The following CTNNA3 variants were observed in gnomAD, a reference collection of about 807,000 sequenced individuals.
CTNNA3 encodes the protein catenin alpha 3, also known as catenin alpha-3.
Under a neutral mutation model 95.7 loss-of-function variants are expected in CTNNA3, and 76 were observed. The ratio of observed to expected loss-of-function variants is 0.79; its 90% CI spans 0.66 to 0.96. The LOEUF (loss-of-function observed/expected upper bound fraction) is 0.96. CTNNA3 is among the 40% of genes least tolerant of loss of function. The pLI, the probability that CTNNA3 is intolerant of heterozygous loss-of-function variation, is 0.00. For synonymous variants in CTNNA3, 431 were observed against 374.4 expected, an observed-to-expected ratio of 1.15 and a Z score of -1.74; for missense variants, 1,191 against 1,089.8, an observed-to-expected ratio of 1.09 and a Z score of -1.31.
intron 11 of CTNNA3, among the ~76,000 whole-genome samples, chr10:66,428,163 T>C (rs1216408859): frequency 6.6e-6 from 1 of 152,130 alleles, no homozygotes; most frequent in Non-Finnish European, 1.5e-5. Context: ...AGAAGGCCAT[T>C]ACATAATGGT....
In CTNNA3 at chr10:67,639,664, T is replaced by C. The variant is rs573761536; in HGVS notation, c.99+7751A>G. 2.9e-3 allele frequency among the ~76,000 whole-genome samples: 437 copies of C among 152,116 alleles called. 3 individuals carry two copies. Among genetic ancestry groups the C allele is most frequent in the Middle Eastern group, 0.01 (3 of 294 alleles). The stretch of plus-strand genomic sequence containing the variant: ...ATCAAAAACCTTATCCACCATGATC[T>C]AGTGGGCTTCATCCCTGGGATGCAA... On this transcript the variant is annotated intron_variant, in intron 2 of 17. Transcript: ENST00000433211.
intron 5 of CTNNA3, among the ~76,000 whole-genome samples, chr10:67,264,012 T>A (rs1235456341): frequency 6.6e-6 from 1 of 151,792 alleles, no homozygotes; most frequent in African/African-American, 2.4e-5. Flanking sequence ...TGAAAGAAAG[T>A]TTCTTTAAAA....
At chr10:66,557,161 T>C (rs994712239) in intron 10 of CTNNA3, among the ~76,000 whole-genome samples, 1 of 152,052 alleles carries the variant, frequency 6.6e-6, no homozygotes, top group African/African-American at 2.4e-5. Context: ...CTATTTTTTG[T>C]TGAATTGAAC....
At chr10:66,105,110 C>A (rs1422643505) in intron 13 of CTNNA3, among the ~76,000 whole-genome samples, 2 of 152,190 alleles carry the variant, frequency 1.3e-5, no homozygotes, top group Non-Finnish European at 1.5e-5. Flanking sequence ...AACATCCCCC[C>A]TCTCGCCAAA....
intron 12 of CTNNA3, among the ~76,000 whole-genome samples, chr10:66,303,494 G>A (rs529960512): frequency 2.8e-5 from 4 of 141,990 alleles, no homozygotes; most frequent in Non-Finnish European, 3.1e-5. Flanking sequence ...ATCATTATGG[G>A]TAAAAAAACT....
At chr10:66,550,782 T>G (rs1333586907) in intron 10 of CTNNA3, among the ~76,000 whole-genome samples, 1 of 152,182 alleles carries the variant, frequency 6.6e-6, no homozygotes, top group African/African-American at 2.4e-5. Context: ...GACTTTTTTT[T>G]AATCTGTTGA....
At chr10:66,584,720 A>G (rs1462776506) in intron 10 of CTNNA3, among the ~76,000 whole-genome samples, 2 of 151,948 alleles carry the variant, frequency 1.3e-5, no homozygotes, top group Non-Finnish European at 2.9e-5. Flanking sequence ...TGTTCTAGTC[A>G]TCATATTGAT....
intron 13 of CTNNA3, among the ~76,000 whole-genome samples, chr10:66,145,777 T>A (rs4746551): frequency 0.21 from 32,471 of 152,104 alleles, 3,653 homozygotes; most frequent in Admixed American, 0.26. Flanking sequence ...TGCTGCTTAT[T>A]CATAGATACA....
intron 6 of CTNNA3, among the ~76,000 whole-genome samples, chr10:67,185,719 T>C (rs970192189): frequency 6.6e-6 from 1 of 151,888 alleles, no homozygotes; most frequent in Non-Finnish European, 1.5e-5. Context: ...CAATGTTTCA[T>C]AACAAAAATT....
chr10:67,761,933 C>T (rs766353632), intron 1 of CTNNA3, among the ~76,000 whole-genome samples: 6 of 151,300 alleles, frequency 4.0e-5, no homozygotes, highest in Admixed American at 6.6e-5. Context: ...TCAGGATTAC[C>T]ACTGGACCTT....
intron 11 of CTNNA3, among the ~76,000 whole-genome samples, chr10:66,405,088 A>T (rs975658843): frequency 6.6e-6 from 1 of 152,168 alleles, no homozygotes; most frequent in Non-Finnish European, 1.5e-5. Context: ...ATGCTGTTTC[A>T]ATAGTATGAT....
intron 17 of CTNNA3, among the ~76,000 whole-genome samples, chr10:65,921,023 C>G (rs770134844): frequency 3.3e-5 from 5 of 152,028 alleles, no homozygotes; most frequent in Admixed American, 6.6e-5. Flanking sequence ...AACCCTAATA[C>G]GCCAATTTAA....
At chr10:67,496,896 A>G (rs1839040696) in intron 5 of CTNNA3, among the ~76,000 whole-genome samples, 1 of 152,272 alleles carries the variant, frequency 6.6e-6, no homozygotes, top group African/African-American at 2.4e-5. Context: ...AGCTATCTTA[A>G]CTTTTTTATT....
intron 7 of CTNNA3, among the ~76,000 whole-genome samples, chr10:66,924,603 T>A (rs1450806854): frequency 6.6e-6 from 1 of 152,202 alleles, no homozygotes; most frequent in Non-Finnish European, 1.5e-5. Context: ...AAATCCACCA[T>A]GTACAATATT....
chr10:67,408,045 A>C (rs772098606), intron 5 of CTNNA3, among the ~76,000 whole-genome samples: 4 of 152,126 alleles, frequency 2.6e-5, no homozygotes, highest in Non-Finnish European at 4.4e-5. Flanking sequence ...GAAGTGAAGG[A>C]CCTCTTCAAG....
chr10:66,593,919 T>C (rs183274944), intron 10 of CTNNA3, among the ~76,000 whole-genome samples: 1 of 152,178 alleles, frequency 6.6e-6, no homozygotes, highest in Non-Finnish European at 1.5e-5. Context: ...GATGGCTGAA[T>C]CCTCCCTCTA....
intron 3 of CTNNA3, among the ~76,000 whole-genome samples, chr10:67,587,922 G>A (rs888843708): frequency 6.6e-6 from 1 of 151,596 alleles, no homozygotes; most frequent in Non-Finnish European, 1.5e-5. Context: ...ATATATTTTT[G>A]TCTGACTGGA....
chr10:66,376,069 G>T (rs972341157), intron 12 of CTNNA3, among the ~76,000 whole-genome samples: 3 of 152,056 alleles, frequency 2.0e-5, no homozygotes, highest in Non-Finnish European at 4.4e-5. Context: ...TTGGAGGTTT[G>T]CAACAGCTGC....
chr10:67,647,153 T>G lies in CTNNA3; in HGVS notation c.99+262A>C, dbSNP rs982176248. 1.2e-3 allele frequency among the ~76,000 whole-genome samples: 101 copies of G among 81,416 alleles called. 2 individuals are homozygous for G. In the African/African-American group the frequency reaches 0.014, roughly 11 times the overall value. 53.4% of individuals were successfully genotyped at this position (81,416 alleles called of 152,430 possible). ...ATAAAGGTACTCTGAAAATTATATA[T>G]ATATATATATATATATATATATATT... On this transcript the variant is annotated intron_variant, in intron 2 of 17. Transcript: ENST00000433211.
Sources: allele counts gnomAD v4.1 joint callset (sites outside exome capture counted in the v4.1 genomes callset), GRCh38; gene constraint gnomAD v4.1.1; transcripts MANE v1.5; gene names NCBI Gene and HGNC (gene_info 2026-07-23, HGNC 2026-07-21).